CACNA1C: variants seen among roughly 807,000 people sequenced by gnomAD.
CACNA1C encodes the protein calcium voltage-gated channel subunit alpha1 C.
CACNA1C carries 30 observed loss-of-function variants against 229.0 expected under a neutral mutation model. That is an observed-to-expected ratio of 0.13 (90% CI 0.10 to 0.18). CACNA1C has a LOEUF of 0.18. CACNA1C is among the 10% of genes least tolerant of loss of function. The pLI is 1.00. For missense variants in CACNA1C, 1,658 were observed against 2,845.0 expected (o/e 0.58, Z 9.49); for synonymous variants, 1,114 against 1,132.5 (o/e 0.98, Z 0.33).
At chr12:2,093,684 A>G (rs536394721) in intron 1 of CACNA1C, among the ~76,000 whole-genome samples, 19 of 152,306 alleles carry the variant, frequency 1.2e-4, no homozygotes, top group African/African-American at 4.1e-4. Flanking sequence ...CTGTATGATC[A>G]TGGGTGATCT....
intron 3 of CACNA1C, among the ~76,000 whole-genome samples, chr12:2,304,720 A>G (rs1004445215): frequency 6.6e-6 from 1 of 152,124 alleles, no homozygotes; most frequent in African/African-American, 2.4e-5. Flanking sequence ...CCTCTGCACC[A>G]CACAGGTAGA....
rs1471165180 is a variant in CACNA1C at position 2,556,997 on chromosome 12, C to T, written c.1508+20C>T. ...GTTCAGGTGAGTGAGACTCACGCTG[C>T]TCTTCCTTCCTTCTGCCACCAGCTC... On this transcript the variant is annotated intron_variant, in intron 11 of 46. Transcript: ENST00000399655. 1 of 1,606,000 alleles carries T rather than the reference C, an allele frequency of 6.2e-7. No individual in the cohort carries two copies.
At chr12:2,290,991 A>G (rs1407505089) in intron 3 of CACNA1C, among the ~76,000 whole-genome samples, 4 of 152,154 alleles carry the variant, frequency 2.6e-5, no homozygotes, top group African/African-American at 4.8e-5. Flanking sequence ...TGGATGTTGG[A>G]GCTATGTAGA....
chr12:2,480,580 A>T (rs143069837), intron 5 of CACNA1C, among the ~76,000 whole-genome samples: 5 of 152,306 alleles, frequency 3.3e-5, no homozygotes, highest in African/African-American at 9.6e-5. Context: ...TAGCTCAGTA[A>T]ATAGTCTTTG....
At chr12:1,991,661 C>A (rs764690245) in intron 1 of CACNA1C, 12 of 177,338 alleles carry the variant, frequency 6.8e-5, no homozygotes, top group Non-Finnish European at 1.2e-4. Flanking sequence ...TAGTGACTAT[C>A]ATAGTGGACA....
chr12:1,978,861 T>C (rs2035230109), intron 1 of CACNA1C, among the ~76,000 whole-genome samples: 1 of 152,262 alleles, frequency 6.6e-6, no homozygotes, highest in South Asian at 2.1e-4. Context: ...GTTGAATATA[T>C]CAGTAGTTCA....
intron 1 of CACNA1C, among the ~76,000 whole-genome samples, chr12:1,978,657 T>C (rs532625722): frequency 1.3e-5 from 2 of 152,266 alleles, no homozygotes; most frequent in Non-Finnish European, 2.9e-5. Flanking sequence ...TATCACTCTT[T>C]TCCAGTCAAC....
intron 3 of CACNA1C, among the ~76,000 whole-genome samples, chr12:2,213,592 G>A (rs753742349): frequency 9.2e-5 from 14 of 152,200 alleles, no homozygotes; most frequent in Non-Finnish European, 1.6e-4. Flanking sequence ...TGGCAACACC[G>A]ATGTTAATGA....
chr12:2,066,406 G>A (rs991800523), intron 1 of CACNA1C, among the ~76,000 whole-genome samples: 1 of 152,120 alleles, frequency 6.6e-6, no homozygotes, highest in Non-Finnish European at 1.5e-5. Flanking sequence ...GGGAGGTAGC[G>A]GGAGAGCCTT....
intron 3 of CACNA1C, among the ~76,000 whole-genome samples, chr12:2,435,148 C>G (rs892114847): frequency 6.6e-6 from 1 of 152,208 alleles, no homozygotes; most frequent in Non-Finnish European, 1.5e-5. Flanking sequence ...CCCTGAGGAT[C>G]TTGTGTTTCT....
rs1397727254 is a variant in CACNA1C at position 2,649,046 on chromosome 12, CGT to C, written c.3945+541_3945+542del. Among the ~76,000 whole-genome samples, 2 of 152,086 alleles carry C rather than the reference CGT, an allele frequency of 1.3e-5. No homozygotes were observed. Among genetic ancestry groups the C allele is most frequent in the Non-Finnish European group, 2.9e-5 (2 of 68,010 alleles). Reference sequence around the variant, plus strand: ...TTCAGCTGGGATTTGTTACTGAGCGCGTGATTGAATTTCCAGTCACTCCAACC... The same window carrying C: ...TTCAGCTGGGATTTGTTACTGAGCGCGATTGAATTTCCAGTCACTCCAACC... On this transcript the variant is annotated intron_variant, in intron 31 of 46. Coordinates refer to ENST00000399655, the MANE Select transcript of CACNA1C (RefSeq NM_000719.7). This position sits in a 1 kb window ranked among gnomAD's most constrained non-coding sequence, Gnocchi z 4.4.
chr12:2,177,488 C>T (rs1194908647), intron 3 of CACNA1C, among the ~76,000 whole-genome samples: 1 of 151,208 alleles, frequency 6.6e-6, no homozygotes, highest in Non-Finnish European at 1.5e-5. Flanking sequence ...TCTTTCTTTT[C>T]TTGTCTTTCC....
intron 3 of CACNA1C, among the ~76,000 whole-genome samples, chr12:2,344,775 G>GT (rs1329140229): frequency 6.6e-6 from 1 of 152,006 alleles, no homozygotes; most frequent in Non-Finnish European, 1.5e-5. Context: ...TCAAGCTCAT[G>GT]TTTTTTTATT....
intron 3 of CACNA1C, among the ~76,000 whole-genome samples, chr12:2,352,057 G>A (rs7132154): frequency 0.24 from 35,989 of 152,166 alleles, 4,389 homozygotes; most frequent in Admixed American, 0.25. Context: ...CCAAAATGCA[G>A]CACAATCACC....
intron 1 of CACNA1C, among the ~76,000 whole-genome samples, chr12:2,070,244 A>G (rs539777912): frequency 1.3e-5 from 2 of 152,326 alleles, no homozygotes; most frequent in African/African-American, 2.4e-5. Context: ...AGGAATGAGG[A>G]TGTCCCATGT....
At position 2,665,121 on chromosome 12, in the gene CACNA1C, G is replaced by A; in HGVS notation, c.4398+131G>A. ...GAGCTGGCTTGGGAAGACTAAGTTG[G>A]CAGGAGTGTCCAGCCACATGGAGAG... On this transcript the variant is annotated intron_variant, in intron 35 of 46. Coordinates refer to ENST00000399655, the MANE Select transcript of CACNA1C (RefSeq NM_000719.7). This position sits in a 1 kb window ranked among gnomAD's most constrained non-coding sequence, Gnocchi z 5.9. 1 of 902,024 alleles carries A rather than the reference G, an allele frequency of 1.1e-6. No homozygotes were observed. The highest frequency in any genetic ancestry group is 1.7e-6 in the Non-Finnish European group (1 of 589,574). 55.9% of individuals were successfully genotyped at this position (902,024 alleles called of 1,614,324 possible). A position where few individuals can be genotyped will look rare whatever the true frequency, so the allele number is the denominator to read the frequency against.
chr12:1,991,196 C>G, intron 1 of CACNA1C: 1 of 456,164 alleles, frequency 2.2e-6, no homozygotes, highest in Non-Finnish European at 4.4e-6. Flanking sequence ...AAATCAGAAT[C>G]TGTGGGTTTT....
rs1241649280 is a variant in CACNA1C, at chr12:2,136,929, T to G, written c.477+16499T>G. On this transcript the variant is annotated intron_variant, in intron 3 of 46. Coordinates refer to ENST00000399655, the MANE Select transcript of CACNA1C (RefSeq NM_000719.7). Reference sequence around the variant, plus strand: ...GACAAACTTAAAACTTGAGGGACCCTTCTCGTGGACTGAGTCCTTGGAAGC... The same window carrying G: ...GACAAACTTAAAACTTGAGGGACCCGTCTCGTGGACTGAGTCCTTGGAAGC... Among the ~76,000 whole-genome samples the G allele has an allele frequency of 1.3e-5, 2 of 151,312 alleles. 1 individual carries two copies. Among genetic ancestry groups the G allele is most frequent in the Non-Finnish European group, 3.0e-5 (2 of 67,604 alleles).
chr12:2,598,373 A>G lies in CACNA1C; in HGVS notation c.2853+1084A>G, dbSNP rs182483767. Among the ~76,000 whole-genome samples the G allele has an allele frequency of 4.3e-4, 66 of 152,220 alleles. 2 individuals are homozygous for G. Among genetic ancestry groups the G allele is most frequent in the African/African-American group, 1.6e-3 (65 of 41,536 alleles). ...GGGATGAGAGAAAGAGTATTCCTCCATTTTTCGGGTATATTTCTGAGTCTC... is the reference window on the plus strand; with the variant it reads ...GGGATGAGAGAAAGAGTATTCCTCCGTTTTTCGGGTATATTTCTGAGTCTC... On this transcript the variant is annotated intron_variant, in intron 21 of 46. Coordinates refer to ENST00000399655, the MANE Select transcript of CACNA1C (RefSeq NM_000719.7).
Sources: allele counts gnomAD v4.1 joint callset (sites outside exome capture counted in the v4.1 genomes callset), GRCh38; gene constraint gnomAD v4.1.1; non-coding constraint Gnocchi (gnomAD v3.1); transcripts MANE v1.5; gene names NCBI Gene and HGNC (gene_info 2026-07-23, HGNC 2026-07-21).